DDHD1: variants seen among roughly 807,000 people sequenced by gnomAD.
DDHD1 encodes DDHD domain containing 1, also known as phospholipase DDHD1.
A neutral mutation model predicts 96.4 loss-of-function variants in DDHD1; 49 were observed. The ratio of observed to expected loss-of-function variants is 0.51; its 90% CI spans 0.40 to 0.64. DDHD1 has a LOEUF of 0.64. Among genes scored for constraint, DDHD1 ranks in the 30% least tolerant of loss-of-function variants. The pLI is 0.00. For missense variants in DDHD1, 1,106 were observed against 1,161.2 expected (o/e 0.95, Z 0.69); for synonymous variants, 442 against 446.5 (o/e 0.99, Z 0.13).
intron 1 of DDHD1, among the ~76,000 whole-genome samples, chr14:53,140,053 A>C (rs553187547): frequency 6.6e-6 from 1 of 152,174 alleles, no homozygotes; most frequent in Non-Finnish European, 1.5e-5. Flanking sequence ...GGTAAGATAG[A>C]TAAAGAATAC....
At chr14:53,102,316 T>C (rs1887363628) in intron 2 of DDHD1, among the ~76,000 whole-genome samples, 1 of 152,062 alleles carries the variant, frequency 6.6e-6, no homozygotes, top group Non-Finnish European at 1.5e-5. Flanking sequence ...AAGTATTACA[T>C]GGCAATCTGT....
At position 53,058,731 on chromosome 14, in the gene DDHD1, C is replaced by A. The variant is rs554946953; in HGVS notation, c.1843-105G>T. 744 of 1,016,554 alleles carry A rather than the reference C, an allele frequency of 7.3e-4. 13 individuals carry two copies. In the South Asian group the frequency reaches 0.013, roughly 18 times the overall value. 63.0% of individuals were successfully genotyped at this position (1,016,554 alleles called of 1,614,324 possible). On this transcript the variant is annotated intron_variant, in intron 8 of 12. Transcript: ENST00000673822. Reference sequence around the variant, plus strand: ...TGGCAAAATACAAATAATAAAATATCTTTGAGTATATTCGTTTTTAATAAG... The same window carrying A: ...TGGCAAAATACAAATAATAAAATATATTTGAGTATATTCGTTTTTAATAAG...
chr14:53,126,581 T>C (rs894124047), intron 1 of DDHD1, among the ~76,000 whole-genome samples: 8 of 152,158 alleles, frequency 5.3e-5, no homozygotes, highest in Non-Finnish European at 1.2e-4. Context: ...TTATCCAGGA[T>C]GCTCTTGAAC....
intron 9 of DDHD1, among the ~76,000 whole-genome samples, chr14:53,058,058 T>G (rs571879056): frequency 6.6e-6 from 1 of 152,326 alleles, no homozygotes; most frequent in East Asian, 1.9e-4. Flanking sequence ...CAGGCTAGTC[T>G]CGAACTTGAG....
chr14:53,093,367 T>C lies in DDHD1; in HGVS notation c.1090A>G (p.Thr364Ala), dbSNP rs1886600707. Residue 364 changes from threonine to alanine, a missense_variant, in exon 3 of 13, where the codon ACA becomes GCA. Thr to Ala is a moderately conservative substitution (Grantham distance 58, BLOSUM62 0). Coordinates refer to ENST00000673822, the MANE Select transcript of DDHD1 (RefSeq NM_001160148.2). ...ACTGTTCTTGCAATTTTAGATGTTG[T>C]TGCATCACTATAAAGATATACTTCA... is the stretch of plus-strand genomic sequence containing the variant. ...VDEVYLYSDATTSKIARTVTQ... is the reference protein window; with the variant it reads ...VDEVYLYSDAATSKIARTVTQ... 1.2e-6 allele frequency: 2 copies of C among 1,612,852 alleles called. No homozygotes were observed. The highest frequency in any genetic ancestry group is 1.7e-5 in the Admixed American group (1 of 59,846).
chr14:53,096,061 A>C, intron 2 of DDHD1: 1 of 874,918 alleles, frequency 1.1e-6, no homozygotes, highest in Non-Finnish European at 1.4e-6. Context: ...AATGCAACTG[A>C]ATACTATAAG....
intron 10 of DDHD1, among the ~76,000 whole-genome samples, chr14:53,054,894 T>A (rs549887120): frequency 2.2e-4 from 33 of 152,352 alleles, no homozygotes; most frequent in African/African-American, 7.7e-4. Flanking sequence ...CAAGTGATCA[T>A]GGTTTATTAA....
At chr14:53,074,503 A>G (rs1175019030) in intron 4 of DDHD1, among the ~76,000 whole-genome samples, 1 of 151,908 alleles carries the variant, frequency 6.6e-6, no homozygotes, top group Non-Finnish European at 1.5e-5. Flanking sequence ...AACATAACCT[A>G]TTCAGTATTA....
At chr14:53,093,755 G>A in intron 2 of DDHD1, 1 of 280,660 alleles carries the variant, frequency 3.6e-6, no homozygotes, top group Non-Finnish European at 6.6e-6. Flanking sequence ...TGCTTTCCCG[G>A]GTGATGTGGC....
intron 1 of DDHD1, among the ~76,000 whole-genome samples, chr14:53,114,213 G>A (rs553202192): frequency 5.9e-5 from 9 of 152,310 alleles, no homozygotes; most frequent in East Asian, 1.9e-4. Context: ...AGACAGCAGC[G>A]CCAGTCAGGG....
At chr14:53,142,814 C>T (rs955414851) in intron 1 of DDHD1, among the ~76,000 whole-genome samples, 2 of 152,320 alleles carry the variant, frequency 1.3e-5, no homozygotes, top group East Asian at 3.9e-4. Flanking sequence ...AAAATCACAG[C>T]TTCTCATAAA....
chr14:53,103,507 G>T, intron 2 of DDHD1, 176 bp downstream of exon 2: 1 of 528,146 alleles, frequency 1.9e-6, no homozygotes, highest in Non-Finnish European at 3.2e-6. Context: ...AATTGAGATA[G>T]TTCAGATATT....
intron 12 of DDHD1, 79 bp from the exon 13 acceptor site, chr14:53,047,028 T>C: frequency 8.5e-7 from 1 of 1,169,758 alleles, no homozygotes; most frequent in Non-Finnish European, 1.1e-6. Flanking sequence ...GAGTTGAGAG[T>C]AAAAATTTAG....
At position 53,090,671 on chromosome 14, in the gene DDHD1, CAAT is replaced by C. The variant is rs778247259; in HGVS notation, c.1289+1111_1289+1113del. ...TTCTCACTCATATGTGGGAACTGAA[CAAT>C]GAGAACACTTGGACACAGGGTAGGC... On this transcript the variant is annotated intron_variant, in intron 4 of 12. Transcript: ENST00000673822. Among the ~76,000 whole-genome samples, 20 of 152,230 alleles carry C rather than the reference CAAT, an allele frequency of 1.3e-4. No homozygotes were observed. In the South Asian group the frequency reaches 4.2e-3, roughly 32 times the overall value.
At chr14:53,112,408 T>G (rs964915983) in intron 1 of DDHD1, among the ~76,000 whole-genome samples, 2 of 148,378 alleles carry the variant, frequency 1.3e-5, no homozygotes, top group Non-Finnish European at 3.0e-5. Context: ...AGAGCGAGAC[T>G]CCATCTCAAA....
rs1296583252 is a variant in DDHD1, at chr14:53,044,566, A to G, written c.*2202T>C. 6.6e-6 allele frequency: 1 copy of G among 152,224 alleles called. No homozygotes were observed. 9.4% of individuals were successfully genotyped at this position (152,224 alleles called of 1,614,324 possible). ...ATATAGCATGAGTTTAATTTTCCTGAGAACTAAATTAGACCTACAAAATAA... is the reference window on the plus strand; with the variant it reads ...ATATAGCATGAGTTTAATTTTCCTGGGAACTAAATTAGACCTACAAAATAA... On this transcript the variant is annotated 3_prime_UTR_variant, in exon 13 of 13. Transcript: ENST00000673822.
At chr14:53,152,116 C>CAGA in intron 1 of DDHD1, 145 bp downstream of exon 1, 6 of 806,634 alleles carry the variant, frequency 7.4e-6, no homozygotes, top group South Asian at 7.1e-5. Flanking sequence ...TGCCGACGCT[C>CAGA]CCTGCTCAAT....
chr14:53,084,916 C>T (rs1885806890), intron 4 of DDHD1, among the ~76,000 whole-genome samples: 1 of 152,224 alleles, frequency 6.6e-6, no homozygotes, highest in South Asian at 2.1e-4. Context: ...CGAGACACTG[C>T]CACTTAAATA....
intron 1 of DDHD1, among the ~76,000 whole-genome samples, chr14:53,123,601 CA>C (rs890227227): frequency 2.6e-5 from 4 of 152,260 alleles, no homozygotes; most frequent in Non-Finnish European, 5.9e-5. Flanking sequence ...CTATATGCAT[CA>C]GTATGGTTAA....
Sources: gnomAD v4.1 joint callset for allele counts (sites outside exome capture counted in the v4.1 genomes callset) on GRCh38, gnomAD v4.1.1 for gene constraint, MANE v1.5 for transcripts, NCBI Gene and HGNC (gene_info 2026-07-23, HGNC 2026-07-21) for gene names.